The following TAMM41 variants were observed in gnomAD, a reference collection of about 807,000 sequenced individuals.
TAMM41 encodes phosphatidate cytidylyltransferase, mitochondrial.
TAMM41 carries 36 observed loss-of-function variants against 44.1 expected under a neutral mutation model. The ratio of observed to expected loss-of-function variants is 0.82; its 90% confidence interval spans 0.63 to 1.08. The LOEUF (loss-of-function observed/expected upper bound fraction) is 1.08, where lower values mean the gene tolerates loss of function less well. TAMM41 is among the 50% of genes least tolerant of loss of function. The probability of loss-of-function intolerance (pLI) is 0.00; values close to 1 mark genes in which losing one functional copy is unlikely to be tolerated. For missense variants in TAMM41, 417 were observed against 404.3 expected (o/e 1.03, Z -0.27); for synonymous variants, 164 against 153.1 (o/e 1.07, Z -0.53).
At chr3:11,801,789 G>A (rs1043517449) in intron 7 of TAMM41, among the ~76,000 whole-genome samples, 1 of 151,900 alleles carries the variant, frequency 6.6e-6, no homozygotes, top group African/African-American at 2.4e-5. Context: ...CATACCTCAA[G>A]GCATTGAAAA....
chr3:11,798,940 T>A lies in TAMM41; in HGVS notation c.938-8359A>T, dbSNP rs534063545. On this transcript the variant is annotated intron_variant, in intron 7 of 7. Transcript: ENST00000455809. ...CTTAAAATATAATCTCCTGGCCAGG[T>A]GCAGTGGCTTAACCCTATAATTCCA... Among the ~76,000 whole-genome samples the A allele has an allele frequency of 2.6e-5, 4 of 152,182 alleles. No individual in the cohort carries two copies. In the South Asian group the frequency reaches 8.3e-4, roughly 32 times the overall value.
chr3:11,725,204 T>C, the TAMM41 span, among the ~76,000 whole-genome samples: 1 of 143,568 alleles, frequency 7.0e-6, no homozygotes. Context: ...CTCCTCCTTC[T>C]CCTCCTCCTT....
Position 11,839,283 on chromosome 3 carries a change from A to G in TAMM41, c.350T>C (p.Val117Ala). The G allele has an allele frequency of 6.2e-7, 1 of 1,613,568 alleles. No homozygotes were observed. The change falls in exon 3 of 8, where the codon GTT becomes GCT. Residue 117 changes from valine to alanine, a missense_variant. Physicochemically the swap from Val to Ala is moderately conservative, Grantham distance 64. Transcript: ENST00000455809. ...CCAGTTGAGGAGATCTTCAATCAGA[A>G]CGTTAGTGCTAATAACTCCATATTT... ...LIKYGVISTN[V>A]LIEDLLNWNN...
chr3:11,839,176 C>G, intron 3 of TAMM41, 46 bp downstream of exon 3: 2 of 1,247,574 alleles, frequency 1.6e-6, no homozygotes, highest in Non-Finnish European at 2.3e-6. Flanking sequence ...AGGTTAGGCT[C>G]AGAGAGGAAA....
intron 7 of TAMM41, chr3:11,807,632 G>A: frequency 4.6e-6 from 7 of 1,536,232 alleles, no homozygotes; most frequent in South Asian, 1.2e-5. Flanking sequence ...CAACAGCACT[G>A]CCAATGGTCT....
intron 7 of TAMM41, among the ~76,000 whole-genome samples, chr3:11,791,800 T>C (rs529701769): frequency 6.6e-6 from 1 of 152,152 alleles, no homozygotes; most frequent in Non-Finnish European, 1.5e-5. Context: ...CTGGCTTCGT[T>C]TGTCTACCAG....
rs373357370 is a variant in TAMM41, at chr3:11,797,709, A to G, written c.938-7128T>C. Among the ~76,000 whole-genome samples, 12 of 152,344 alleles carry G rather than the reference A, an allele frequency of 7.9e-5. No homozygotes were observed. In the East Asian group the frequency reaches 2.3e-3, roughly 29 times the overall value. On this transcript the variant is annotated intron_variant, in intron 7 of 7. Transcript: ENST00000455809. Reference sequence around the variant, plus strand: ...CAGTGAAGAACAGAGTGAACAGACAACCTAGGAAATGGGAGAAAATTTTGC... The same window carrying G: ...CAGTGAAGAACAGAGTGAACAGACAGCCTAGGAAATGGGAGAAAATTTTGC...
At chr3:11,792,173 A>ATTTTTTTTTT (rs34977134) in intron 7 of TAMM41, among the ~76,000 whole-genome samples, 1 of 147,212 alleles carries the variant, frequency 6.8e-6, no homozygotes, top group African/African-American at 2.5e-5. Context: ...CCATGTAGCC[A>ATTTTTTTTTT]TTTTTTTTTT....
chr3:11,787,274 A>G (rs761570955), downstream of TAMM41, among the ~76,000 whole-genome samples: 3 of 152,188 alleles, frequency 2.0e-5, no homozygotes, highest in Non-Finnish European at 4.4e-5. Flanking sequence ...CCGACATTCA[A>G]GGAGGGAAAA....
intron 5 of TAMM41, among the ~76,000 whole-genome samples, chr3:11,815,062 C>T (rs2078230217): frequency 6.6e-6 from 1 of 152,014 alleles, no homozygotes; most frequent in African/African-American, 2.4e-5. Context: ...TTATCTCCAC[C>T]CTAGAATTTG....
rs183421036 is a variant in TAMM41, at chr3:11,833,602, G to A, written c.412-3738C>T. On this transcript the variant is annotated intron_variant, in intron 3 of 7. Coordinates refer to ENST00000455809, the MANE Select transcript of TAMM41 (RefSeq NM_001284401.2). ...CTACCTGCTGGACTCTGGGCTCTTCGAGGACAAGCAACATGATATCATTTT... is the reference window on the plus strand; with the variant it reads ...CTACCTGCTGGACTCTGGGCTCTTCAAGGACAAGCAACATGATATCATTTT... 9.3e-4 allele frequency among the ~76,000 whole-genome samples: 142 copies of A among 152,250 alleles called. 3 individuals are homozygous for A. The highest frequency in any genetic ancestry group is 5.3e-4 in the Non-Finnish European group (36 of 68,030).
chr3:11,811,401 C>T (rs188271986), intron 5 of TAMM41: 15 of 152,226 alleles, frequency 9.9e-5, no homozygotes, highest in African/African-American at 1.9e-4. Flanking sequence ...TATGCTTTAC[C>T]TATGAAGCTT....
chr3:11,829,673 A>T, intron 4 of TAMM41, 41 bp downstream of exon 4: 1 of 1,608,358 alleles, frequency 6.2e-7, no homozygotes, highest in Non-Finnish European at 8.5e-7. Flanking sequence ...TCAAATATAA[A>T]TCTCTCCCTT....
At chr3:11,832,979 G>A in intron 3 of TAMM41, 4 of 1,021,248 alleles carry the variant, frequency 3.9e-6, no homozygotes, top group Non-Finnish European at 4.7e-6. Context: ...AAGATTAAGA[G>A]GATGAAAATA....
the TAMM41 span, among the ~76,000 whole-genome samples, chr3:11,725,358 T>A: frequency 7.4e-6 from 1 of 135,610 alleles, no homozygotes; most frequent in Non-Finnish European, 1.6e-5. Context: ...CTCCTTTTTT[T>A]TCTTCTTCTC....
At chr3:11,833,186 A>T (rs1276977702) in intron 3 of TAMM41, 23 of 1,275,050 alleles carry the variant, frequency 1.8e-5, no homozygotes, top group Admixed American at 2.4e-5. Flanking sequence ...ATTTGTGAAT[A>T]GCTGTTTGTA....
the TAMM41 span, among the ~76,000 whole-genome samples, chr3:11,782,588 G>A: frequency 5.9e-4 from 89 of 151,690 alleles, 2 homozygotes; most frequent in South Asian, 1.3e-3. Context: ...TCGTATCTAC[G>A]TTGTAGGAGT....
At chr3:11,787,033 G>T (rs2077421821), downstream of TAMM41, among the ~76,000 whole-genome samples, 1 of 152,158 alleles carries the variant, frequency 6.6e-6, no homozygotes, top group African/African-American at 2.4e-5. Context: ...GGAGTTAAAG[G>T]CTTGCTCACT....
intron 5 of TAMM41, among the ~76,000 whole-genome samples, chr3:11,814,393 A>G (rs2078206337): frequency 6.6e-6 from 1 of 152,172 alleles, no homozygotes; most frequent in African/African-American, 2.4e-5. Context: ...ATACAAGAAT[A>G]GGAAGCTATA....
Sources: gnomAD v4.1 joint callset for allele counts (sites outside exome capture counted in the v4.1 genomes callset) on GRCh38, gnomAD v4.1.1 for gene constraint, MANE v1.5 for transcripts, NCBI Gene and HGNC (gene_info 2026-07-23, HGNC 2026-07-21) for gene names.